ZNF354A: variants seen among roughly 807,000 people sequenced by gnomAD.
ZNF354A encodes epididymis luminal protein 104.
Under a neutral mutation model 53.3 loss-of-function variants are expected in ZNF354A, and 25 were observed. The ratio of observed to expected loss-of-function variants is 0.47; its 90% CI spans 0.34 to 0.66. ZNF354A has a LOEUF of 0.66. Among genes scored for constraint, ZNF354A ranks in the 30% least tolerant of loss-of-function variants. The pLI is 0.01. For synonymous variants in ZNF354A, 228 were observed against 249.0 expected (o/e 0.92, Z 0.79); for missense variants, 586 against 716.8 (o/e 0.82, Z 2.08).
At chr5:178,727,188 T>TG (rs34361107) in intron 2 of ZNF354A, 63 bp from the exon 3 acceptor site, 328,105 of 1,376,214 alleles carry the variant, frequency 0.24, 47,348 homozygotes, top group South Asian at 0.28. Flanking sequence ...GGGGCGGCAG[T>TG]GGGAAAGACA....
intron 4 of ZNF354A, among the ~76,000 whole-genome samples, chr5:178,714,062 A>G (rs939583457): frequency 1.1e-4 from 16 of 151,184 alleles, no homozygotes; most frequent in Admixed American, 4.6e-4. Context: ...GCTCGAGTGC[A>G]GTGGCGCGAT....
At chr5:178,719,837 C>T (rs1765778009) in intron 4 of ZNF354A, among the ~76,000 whole-genome samples, 1 of 151,410 alleles carries the variant, frequency 6.6e-6, no homozygotes, top group South Asian at 2.1e-4. Context: ...GTCCCAGCTA[C>T]TTGGGAGGCT....
chr5:178,728,782 C>CAAAAAAAAAAAAAAAAAAAAAAAAAAA (rs1157233878), intron 2 of ZNF354A, among the ~76,000 whole-genome samples: 1 of 50,884 alleles, frequency 2.0e-5, no homozygotes. Flanking sequence ...AAGCGAGATT[C>CAAAAAAAAAAAAAAAAAAAAAAAAAAA]AAAAAAAAAA....
At chr5:178,724,671 C>T (rs1462560483) in intron 4 of ZNF354A, among the ~76,000 whole-genome samples, 2 of 152,334 alleles carry the variant, frequency 1.3e-5, no homozygotes, top group East Asian at 3.9e-4. Flanking sequence ...CATTCTCAAT[C>T]CCATTCCAAG....
intron 4 of ZNF354A, among the ~76,000 whole-genome samples, chr5:178,722,511 T>C (rs1211860938): frequency 1.3e-5 from 2 of 152,124 alleles, no homozygotes; most frequent in African/African-American, 4.8e-5. Context: ...CATCTCCCTT[T>C]TGTTTGCTTT....
chr5:178,716,261 A>G (rs1315971370), intron 4 of ZNF354A, among the ~76,000 whole-genome samples: 2 of 152,150 alleles, frequency 1.3e-5, no homozygotes, highest in African/African-American at 4.8e-5. Flanking sequence ...TAGATTTTCA[A>G]TGATTCACAT....
At chr5:178,730,327 G>C (rs1766009208) in intron 1 of ZNF354A, among the ~76,000 whole-genome samples, 1 of 152,182 alleles carries the variant, frequency 6.6e-6, no homozygotes, top group African/African-American at 2.4e-5. Context: ...GGACGGGCCC[G>C]GGAGGAAACG....
At chr5:178,718,378 T>C (rs1373271577) in intron 4 of ZNF354A, among the ~76,000 whole-genome samples, 1 of 152,204 alleles carries the variant, frequency 6.6e-6, no homozygotes, top group Admixed American at 6.5e-5. Flanking sequence ...GCCACTGCCC[T>C]GACCACTTCC....
Position 178,726,883 on chromosome 5 carries a change from A to T in ZNF354A, c.160+116T>A, listed in dbSNP as rs567270183. 4 of 1,430,458 alleles carry T rather than the reference A, an allele frequency of 2.8e-6. No individual in the cohort carries two copies. In the Admixed American group the frequency reaches 9.1e-5, roughly 33 times the overall value. 88.6% of individuals were successfully genotyped at this position (1,430,458 alleles called of 1,614,324 possible). A position where few individuals can be genotyped will look rare whatever the true frequency, so the allele number is the denominator to read the frequency against. ...GTTTATTTATAAAGATCTGATTTGT[A>T]CAATCCTCACACACTCAGCTCAAAT... On this transcript the variant is annotated intron_variant, in intron 3 of 4. Coordinates refer to ENST00000335815, the MANE Select transcript of ZNF354A (RefSeq NM_005649.3).
At chr5:178,716,746 G>A (rs1217777915) in intron 4 of ZNF354A, among the ~76,000 whole-genome samples, 3 of 152,158 alleles carry the variant, frequency 2.0e-5, no homozygotes, top group African/African-American at 7.2e-5. Context: ...ACTGGCCAGA[G>A]TAGAGCGAGA....
chr5:178,718,573 T>C (rs1561618130), intron 4 of ZNF354A, among the ~76,000 whole-genome samples: 1 of 152,250 alleles, frequency 6.6e-6, no homozygotes, highest in Non-Finnish European at 1.5e-5. Context: ...TCTTTCTTTT[T>C]AAATTCAGCC....
chr5:178,726,146 T>C (rs1199665822), intron 3 of ZNF354A: 2 of 455,270 alleles, frequency 4.4e-6, no homozygotes, highest in Admixed American at 4.7e-5. Flanking sequence ...CCGGCCTATG[T>C]GACTCCCTTT....
rs1157233878 is a variant in ZNF354A at position 178,728,782 on chromosome 5, C to CAAAAAAAAA, written c.33+199_33+207dup. Reference sequence around the variant, plus strand: ...ACTGCCTGGGCGACAAAGCGAGATTCAAAAAAAAAAAAAAAAAAGAGAACC... The same window carrying CAAAAAAAAA: ...ACTGCCTGGGCGACAAAGCGAGATTCAAAAAAAAAAAAAAAAAAAAAAAAAAAGAGAACC... On this transcript the variant is annotated intron_variant, in intron 2 of 4. Transcript: ENST00000335815. Among the ~76,000 whole-genome samples, 60 of 50,858 alleles carry CAAAAAAAAA rather than the reference C, an allele frequency of 1.2e-3. 1 individual carries two copies. Among genetic ancestry groups the CAAAAAAAAA allele is most frequent in the East Asian group, 2.9e-3 (4 of 1,398 alleles). The allele number at this position is 50,858 out of a possible 152,430, so 33.4% of individuals were successfully genotyped here.
At chr5:178,715,959 C>T (rs954897654) in intron 4 of ZNF354A, among the ~76,000 whole-genome samples, 5 of 151,158 alleles carry the variant, frequency 3.3e-5, no homozygotes, top group South Asian at 4.2e-4. Context: ...TGCAGTGGCG[C>T]GACCTCGGCT....
At chr5:178,719,618 C>G (rs1581745036) in intron 4 of ZNF354A, among the ~76,000 whole-genome samples, 1 of 152,320 alleles carries the variant, frequency 6.6e-6, no homozygotes, top group Non-Finnish European at 1.5e-5. Flanking sequence ...CCCACCTTAT[C>G]CTATAGCTAG....
Position 178,718,541 on chromosome 5 carries a change from G to A in ZNF354A, c.257-4920C>T, listed in dbSNP as rs370531962. ...CTTTACAGAGGTCTTTCCAACTGCC[G>A]GTTAGAATTTCCACTTGTGTATCTT... On this transcript the variant is annotated intron_variant, in intron 4 of 4. Transcript: ENST00000335815. Among the ~76,000 whole-genome samples the A allele has an allele frequency of 2.0e-4, 30 of 152,270 alleles. 1 individual carries two copies. The highest frequency in any genetic ancestry group is 1.2e-3 in the South Asian group (6 of 4,824).
At chr5:178,716,046 G>A (rs752397750) in intron 4 of ZNF354A, among the ~76,000 whole-genome samples, 33 of 151,848 alleles carry the variant, frequency 2.2e-4, no homozygotes, top group Middle Eastern at 6.8e-3. Context: ...ACAGGTGTGC[G>A]CCACCACACC....
chr5:178,730,606 G>A lies in ZNF354A; in HGVS notation c.-102C>T, dbSNP rs1372854265. ...CGCGCCTCCCCAGCCGCGAGGCTCC[G>A]GAACCGCCGGCCGGGATGCAGCCTC... On this transcript the variant is annotated 5_prime_UTR_variant, in exon 1 of 5. Transcript: ENST00000335815. 1.3e-5 allele frequency: 2 copies of A among 151,926 alleles called. No individual in the cohort carries two copies. The highest frequency in any genetic ancestry group is 2.9e-5 in the Non-Finnish European group (2 of 67,966). The allele number at this position is 151,926 out of a possible 1,614,324, so 9.4% of individuals were successfully genotyped here. A position where few individuals can be genotyped will look rare whatever the true frequency, so the allele number is the denominator to read the frequency against.
chr5:178,717,956 T>C (rs1253324731), intron 4 of ZNF354A, among the ~76,000 whole-genome samples: 1 of 152,070 alleles, frequency 6.6e-6, no homozygotes, highest in African/African-American at 2.4e-5. Context: ...CTGGAGTGCA[T>C]GGAGGAAACA....
Sources: allele counts gnomAD v4.1 joint callset (sites outside exome capture counted in the v4.1 genomes callset), GRCh38; gene constraint gnomAD v4.1.1; transcripts MANE v1.5; gene names NCBI Gene and HGNC (gene_info 2026-07-23, HGNC 2026-07-21).